CLSTN2: variants seen among roughly 807,000 people sequenced by gnomAD.
CLSTN2 encodes calsyntenin 2, also known as calsyntenin-2.
Under a neutral mutation model 101.2 loss-of-function variants are expected in CLSTN2, and 48 were observed. The ratio of observed to expected loss-of-function variants is 0.47; its 90% CI spans 0.38 to 0.60. CLSTN2 has a LOEUF of 0.60. CLSTN2 is among the 20% of genes least tolerant of loss of function. The pLI, the probability that CLSTN2 is intolerant of heterozygous loss-of-function variation, is 0.00. For missense variants in CLSTN2, 1,160 were observed against 1,238.2 expected, an observed-to-expected ratio of 0.94 and a Z score of 0.95; for synonymous variants, 481 against 463.6, an observed-to-expected ratio of 1.04 and a Z score of -0.48.
intron 2 of CLSTN2, among the ~76,000 whole-genome samples, chr3:140,315,575 G>T (rs959234806): frequency 2.0e-4 from 31 of 152,190 alleles, no homozygotes; most frequent in African/African-American, 7.0e-4. Context: ...TGGGCCAAAT[G>T]TGAGACCTTC....
chr3:140,032,849 C>G (rs2007583182), intron 1 of CLSTN2, among the ~76,000 whole-genome samples: 1 of 152,168 alleles, frequency 6.6e-6, no homozygotes, highest in South Asian at 2.1e-4. Flanking sequence ...TTGAGGATAA[C>G]AAAATGCTCC....
At chr3:140,405,612 T>C (rs13064082) in intron 4 of CLSTN2, among the ~76,000 whole-genome samples, 82,213 of 151,872 alleles carry the variant, frequency 0.54, 23,288 homozygotes, top group South Asian at 0.69. Flanking sequence ...AACCCTCCCA[T>C]AATAACCCAA....
chr3:140,290,774 C>G (rs1208101815), intron 2 of CLSTN2, among the ~76,000 whole-genome samples: 1 of 152,200 alleles, frequency 6.6e-6, no homozygotes, highest in African/African-American at 2.4e-5. Context: ...TTAGCTGCTA[C>G]TCCTCTATCT....
At chr3:140,508,347 A>G (rs1399339060) in intron 8 of CLSTN2, 1 of 152,148 alleles carries the variant, frequency 6.6e-6, no homozygotes, top group Admixed American at 6.5e-5. Context: ...CTCCTTTTCT[A>G]CAGGAATCAT....
intron 8 of CLSTN2, among the ~76,000 whole-genome samples, chr3:140,472,470 T>G (rs1467718604): frequency 6.6e-6 from 1 of 152,228 alleles, no homozygotes; most frequent in Non-Finnish European, 1.5e-5. Context: ...AGGAGTTAAT[T>G]GGAGAATGGT....
intron 1 of CLSTN2, among the ~76,000 whole-genome samples, chr3:140,004,168 G>A (rs2006908634): frequency 6.6e-6 from 1 of 152,164 alleles, no homozygotes; most frequent in African/African-American, 2.4e-5. Context: ...AGTTTCCATA[G>A]CCAGGTAGCC....
chr3:140,043,076 C>A (rs1473666024), intron 1 of CLSTN2, among the ~76,000 whole-genome samples: 1 of 152,152 alleles, frequency 6.6e-6, no homozygotes, highest in African/African-American at 2.4e-5. Flanking sequence ...ATGTCTAGTT[C>A]TAGATCCCTG....
intron 1 of CLSTN2, among the ~76,000 whole-genome samples, chr3:140,090,609 G>A (rs1214485092): frequency 2.0e-5 from 3 of 152,202 alleles, no homozygotes; most frequent in Non-Finnish European, 4.4e-5. Flanking sequence ...TATTCTGGGA[G>A]CGTAAGTCCT....
chr3:140,325,973 C>T (rs865866880), intron 2 of CLSTN2, among the ~76,000 whole-genome samples: 25 of 152,310 alleles, frequency 1.6e-4, no homozygotes, highest in Admixed American at 4.6e-4. Context: ...AATTTATGTT[C>T]AAGTGCTATT....
At chr3:140,203,539 A>G (rs2010745767) in intron 2 of CLSTN2, among the ~76,000 whole-genome samples, 2 of 122,732 alleles carry the variant, frequency 1.6e-5, no homozygotes, top group Non-Finnish European at 3.2e-5. Flanking sequence ...ATTTGTTGGT[A>G]GAAAATGTTA....
intron 2 of CLSTN2, among the ~76,000 whole-genome samples, chr3:140,366,847 A>T (rs6770286): frequency 0.41 from 63,115 of 152,106 alleles, 13,933 homozygotes; most frequent in Non-Finnish European, 0.5. Context: ...GGCAACTAGG[A>T]AATGTTGAAG....
At chr3:140,383,714 T>A (rs771998932) in intron 2 of CLSTN2, among the ~76,000 whole-genome samples, 6 of 152,218 alleles carry the variant, frequency 3.9e-5, no homozygotes, top group Non-Finnish European at 8.8e-5. Context: ...TTCCCACTTC[T>A]AGGCAGCTTG....
intron 1 of CLSTN2, among the ~76,000 whole-genome samples, chr3:139,942,764 G>A (rs763485014): frequency 1.3e-5 from 2 of 152,196 alleles, no homozygotes; most frequent in Non-Finnish European, 2.9e-5. Flanking sequence ...ACTGTGTGCA[G>A]TTGATTGCAA....
intron 1 of CLSTN2, among the ~76,000 whole-genome samples, chr3:139,936,388 G>A (rs1336514467): frequency 9.9e-5 from 15 of 152,198 alleles, no homozygotes; most frequent in Admixed American, 9.8e-4. Flanking sequence ...AGGGGAGGCT[G>A]TGGCAGATCC....
In CLSTN2 at chr3:140,169,485, G is replaced by T. The variant is rs192254931; in HGVS notation, c.110-6466G>T. On this transcript the variant is annotated intron_variant, in intron 1 of 16. Coordinates refer to ENST00000458420, the MANE Select transcript of CLSTN2 (RefSeq NM_022131.3). The stretch of plus-strand genomic sequence containing the variant: ...TTTTCTTGCCTTATTGCACTGGTTA[G>T]AACCTACAGTACAATGTGAATAGAA... 6.6e-5 allele frequency among the ~76,000 whole-genome samples: 10 copies of T among 152,124 alleles called. No homozygotes were observed. The East Asian group carries it at 1.9e-3, about 29-fold the overall frequency.
chr3:140,313,664 C>T (rs1317804492), intron 2 of CLSTN2, among the ~76,000 whole-genome samples: 1 of 152,196 alleles, frequency 6.6e-6, no homozygotes, highest in African/African-American at 2.4e-5. Context: ...GCTTTTACAG[C>T]TTCCCAGTGC....
chr3:140,511,237 A>T (rs1934807263), intron 8 of CLSTN2, among the ~76,000 whole-genome samples: 1 of 152,152 alleles, frequency 6.6e-6, no homozygotes, highest in Non-Finnish European at 1.5e-5. Flanking sequence ...CATGGTGTAT[A>T]CGTAGCACAT....
intron 1 of CLSTN2, among the ~76,000 whole-genome samples, chr3:139,945,388 G>A (rs1338382633): frequency 6.6e-6 from 1 of 152,184 alleles, no homozygotes; most frequent in Non-Finnish European, 1.5e-5. Context: ...CCTTTTGAAA[G>A]GATAAAGCGC....
chr3:140,122,481 G>A (rs6764471), intron 1 of CLSTN2, among the ~76,000 whole-genome samples: 111,170 of 152,174 alleles, frequency 0.73, 40,765 homozygotes, highest in East Asian at 0.81. Flanking sequence ...TAACTATTTT[G>A]TTAGATAATA....
Sources: gnomAD v4.1 joint callset for allele counts (sites outside exome capture counted in the v4.1 genomes callset) on GRCh38, gnomAD v4.1.1 for gene constraint, MANE v1.5 for transcripts, NCBI Gene and HGNC (gene_info 2026-07-23, HGNC 2026-07-21) for gene names.